Variants in AQP7B observed in about 807,000 individuals in gnomAD.
The protein encoded by AQP7B is putative aquaporin-7B.
chr2:94,603,436 A>G, the AQP7B span: 2 of 1,610,816 alleles, frequency 1.2e-6, no homozygotes, highest in South Asian at 2.2e-5. Flanking sequence ...TCCCTTTGCT[A>G]CAGCTGGCAT....
At chr2:94,588,655 C>G in the AQP7B span, 2 of 835,992 alleles carry the variant, frequency 2.4e-6, no homozygotes, top group African/African-American at 3.4e-5. Flanking sequence ...CAGCTGTCCC[C>G]CCTTGACCTC....
At chr2:94,596,920 G>A in the AQP7B span, among the ~76,000 whole-genome samples, 4 of 152,100 alleles carry the variant, frequency 2.6e-5, no homozygotes, top group African/African-American at 4.8e-5. Flanking sequence ...GACTGGTCTC[G>A]AACTCCCGAA....
chr2:94,587,550 C>T, the AQP7B span, among the ~76,000 whole-genome samples: 189 of 152,224 alleles, frequency 1.2e-3, 3 homozygotes, highest in Non-Finnish European at 1.8e-4. Context: ...GAGTGGAAGT[C>T]CCGGCTTTCT....
At chr2:94,599,641 C>A in the AQP7B span, among the ~76,000 whole-genome samples, 2 of 152,148 alleles carry the variant, frequency 1.3e-5, no homozygotes, top group South Asian at 4.1e-4. Context: ...ACCAATCCAG[C>A]TGTCCAGCCT....
the AQP7B span, chr2:94,602,443 A>G: frequency 4.4e-4 from 692 of 1,567,028 alleles, 4 homozygotes; most frequent in Admixed American, 6.6e-4. Context: ...CCCTCCTCTG[A>G]GGTTGGGGCT....
the AQP7B span, among the ~76,000 whole-genome samples, chr2:94,595,772 C>T: frequency 8.6e-5 from 13 of 152,040 alleles, no homozygotes; most frequent in Non-Finnish European, 1.6e-4. Flanking sequence ...GTGGGCAAAG[C>T]GCCGATGAGC....
the AQP7B span, among the ~76,000 whole-genome samples, chr2:94,592,747 G>C: frequency 6.6e-6 from 1 of 150,582 alleles, no homozygotes; most frequent in African/African-American, 2.4e-5. Flanking sequence ...CTATGTTCAG[G>C]CACTGCAGTG....
the AQP7B span, among the ~76,000 whole-genome samples, chr2:94,598,485 C>A: frequency 2.0e-5 from 3 of 152,142 alleles, no homozygotes; most frequent in East Asian, 5.8e-4. Flanking sequence ...AGACACGGGG[C>A]AAGGGTTGTA....
At chr2:94,590,486 C>T in the AQP7B span, among the ~76,000 whole-genome samples, 61 of 152,194 alleles carry the variant, frequency 4.0e-4, 1 homozygote, top group East Asian at 8.3e-3. Flanking sequence ...CCATGCCTGG[C>T]CAACAAATGT....
At chr2:94,600,910 G>T in the AQP7B span, among the ~76,000 whole-genome samples, 16 of 151,262 alleles carry the variant, frequency 1.1e-4, no homozygotes, top group African/African-American at 3.9e-4. Context: ...GCTGCGTGCC[G>T]AGGCACATGC....
chr2:94,598,537 G>A, the AQP7B span, among the ~76,000 whole-genome samples: 5 of 152,174 alleles, frequency 3.3e-5, no homozygotes, highest in African/African-American at 9.7e-5. Flanking sequence ...AACTCTGGGC[G>A]GTGGGGACTT....
the AQP7B span, chr2:94,594,728 C>T: frequency 1.1e-4 from 162 of 1,521,794 alleles, no homozygotes; most frequent in African/African-American, 1.6e-4. Flanking sequence ...TCCCTGGGCT[C>T]GGGCCACTGT....
chr2:94,597,226 G>A, the AQP7B span, among the ~76,000 whole-genome samples: 1 of 152,228 alleles, frequency 6.6e-6, no homozygotes, highest in Admixed American at 6.5e-5. Context: ...CCTTAATCCA[G>A]GGCAAAGTAA....
At chr2:94,596,520 C>A in the AQP7B span, among the ~76,000 whole-genome samples, 1 of 152,164 alleles carries the variant, frequency 6.6e-6, no homozygotes, top group African/African-American at 2.4e-5. Context: ...GGGTTCTTAG[C>A]CTGACCCTGC....
the AQP7B span, among the ~76,000 whole-genome samples, chr2:94,589,167 G>GTT: frequency 7.4e-4 from 101 of 136,548 alleles, no homozygotes; most frequent in African/African-American, 2.2e-3. Context: ...ATTAGTTGTT[G>GTT]TTTTTTTTTT....
chr2:94,588,341 A>C, the AQP7B span, among the ~76,000 whole-genome samples: 2 of 151,750 alleles, frequency 1.3e-5, no homozygotes, highest in African/African-American at 2.4e-5. Flanking sequence ...TCATTGGCTG[A>C]GCACCACTCC....
At chr2:94,589,067 CCTT>C in the AQP7B span, among the ~76,000 whole-genome samples, 1 of 151,128 alleles carries the variant, frequency 6.6e-6, no homozygotes, top group Non-Finnish European at 1.5e-5. Flanking sequence ...ACTGCAACCT[CCTT>C]CTCCTGGGTT....
chr2:94,589,674 G>A, the AQP7B span, among the ~76,000 whole-genome samples: 1 of 151,934 alleles, frequency 6.6e-6, no homozygotes, highest in Non-Finnish European at 1.5e-5. Context: ...TGACATCATT[G>A]CCTCTAGCCT....
At chr2:94,588,395 G>A in the AQP7B span, 9 of 616,778 alleles carry the variant, frequency 1.5e-5, no homozygotes, top group African/African-American at 1.5e-4. Flanking sequence ...GGCACTAGCA[G>A]GAGCTGCCCC....
Sources: allele counts gnomAD v4.1 joint callset (sites outside exome capture counted in the v4.1 genomes callset), GRCh38; gene constraint gnomAD v4.1.1; transcripts MANE v1.5; gene names NCBI Gene and HGNC (gene_info 2026-07-23, HGNC 2026-07-21).